GLDN: variants seen among roughly 807,000 people sequenced by gnomAD.
GLDN encodes collomin.
Under a neutral mutation model 56.5 loss-of-function variants are expected in GLDN, and 47 were observed. The observed-to-expected ratio is 0.83, with a 90% CI of 0.66 to 1.06. The LOEUF (loss-of-function observed/expected upper bound fraction) is 1.06, where lower values mean the gene tolerates loss of function less well. GLDN is among the 50% of genes least tolerant of loss of function. GLDN has a pLI of 0.00. For missense variants in GLDN, 782 were observed against 714.3 expected (o/e 1.09, Z -1.08); for synonymous variants, 332 against 278.8 (o/e 1.19, Z -1.90).
intron 4 of GLDN, among the ~76,000 whole-genome samples, chr15:51,387,559 G>A (rs1028946345): frequency 4.6e-5 from 7 of 152,176 alleles, no homozygotes; most frequent in Non-Finnish European, 8.8e-5. Context: ...CCAGCTCCCA[G>A]GATGGCACTG....
In GLDN at chr15:51,404,520, C is replaced by A. The variant is rs760906296; in HGVS notation, c.1422C>A (p.Asn474Lys). The change falls in exon 10 of 10, where the codon AAC becomes AAA. Residue 474 changes from asparagine to lysine, a missense_variant. Coordinates refer to ENST00000335449, the MANE Select transcript of GLDN (RefSeq NM_181789.4). ...CGTACCCTAAATCCAAGGCTGGCAA[C>A]GCCTTCATTGCCCGAGGAATCCTCT... ...NTTYPKSKAG[N>K]AFIARGILYV... 1 of 1,613,990 alleles carries A rather than the reference C, an allele frequency of 6.2e-7. No homozygotes were observed. The highest frequency in any genetic ancestry group is 1.1e-5 in the South Asian group (1 of 91,070).
chr15:51,355,932 G>A (rs997223417), intron 1 of GLDN, among the ~76,000 whole-genome samples: 1 of 150,812 alleles, frequency 6.6e-6, no homozygotes, highest in African/African-American at 2.4e-5. Flanking sequence ...CCTCAGCCGG[G>A]TGTGGTGGCT....
intron 4 of GLDN, among the ~76,000 whole-genome samples, chr15:51,387,072 C>G (rs921239786): frequency 6.6e-6 from 1 of 151,960 alleles, no homozygotes; most frequent in Non-Finnish European, 1.5e-5. Flanking sequence ...GGTGAAGTCA[C>G]TTAGGGAGAG....
chr15:51,392,558 A>G (rs1176396847), intron 4 of GLDN, among the ~76,000 whole-genome samples: 2 of 152,222 alleles, frequency 1.3e-5, no homozygotes, highest in Non-Finnish European at 2.9e-5. Flanking sequence ...AATAAATGCA[A>G]TGCATTTGAA....
At chr15:51,357,139 C>G (rs745617073) in intron 1 of GLDN, among the ~76,000 whole-genome samples, 13 of 152,132 alleles carry the variant, frequency 8.5e-5, no homozygotes, top group Non-Finnish European at 1.8e-4. Context: ...GTTGGGCAAC[C>G]CTTCCAGGTC....
chr15:51,348,526 A>T (rs929356544), intron 1 of GLDN, among the ~76,000 whole-genome samples: 1 of 151,776 alleles, frequency 6.6e-6, no homozygotes, highest in Non-Finnish European at 1.5e-5. Flanking sequence ...TTTAGTAGAA[A>T]TCTCACTATC....
At chr15:51,379,067 C>T (rs1020348986) in intron 2 of GLDN, among the ~76,000 whole-genome samples, 7 of 152,256 alleles carry the variant, frequency 4.6e-5, no homozygotes, top group Non-Finnish European at 1.0e-4. Context: ...AACCTGGCTC[C>T]CATTCCTCTT....
At chr15:51,362,441 T>C (rs1411134947) in intron 1 of GLDN, among the ~76,000 whole-genome samples, 3 of 147,740 alleles carry the variant, frequency 2.0e-5, no homozygotes, top group African/African-American at 7.5e-5. Context: ...GCTGAGATTG[T>C]GCCACTGCAC....
rs760359885 is a variant in GLDN at position 51,405,043 on chromosome 15, G to C, written c.*289G>C. 3.8e-6 allele frequency: 1 copy of C among 260,734 alleles called. No individual in the cohort carries two copies. Among genetic ancestry groups the C allele is most frequent in the Non-Finnish European group, 7.3e-6 (1 of 137,224 alleles). The allele number at this position is 260,734 out of a possible 1,614,324, so 16.2% of individuals were successfully genotyped here. On this transcript the variant is annotated 3_prime_UTR_variant, in exon 10 of 10. Coordinates refer to ENST00000335449, the MANE Select transcript of GLDN (RefSeq NM_181789.4). ...GCTAAGATGATTGGGGAGATTTTCT[G>C]TACCTGTAGGTAATTTGGTGATTCT...
At chr15:51,364,666 G>A (rs916314625) in intron 1 of GLDN, among the ~76,000 whole-genome samples, 5 of 152,106 alleles carry the variant, frequency 3.3e-5, no homozygotes, top group Non-Finnish European at 4.4e-5. Context: ...TTGAACATAC[G>A]AAAATGGTTA....
chr15:51,402,421 G>A lies in GLDN; in HGVS notation c.1178+678G>A, dbSNP rs74664347. Among the ~76,000 whole-genome samples, 857 of 152,334 alleles carry A rather than the reference G, an allele frequency of 5.6e-3. 6 individuals carry two copies. Among genetic ancestry groups the A allele is most frequent in the Admixed American group, 0.01 (159 of 15,306 alleles). On this transcript the variant is annotated intron_variant, in intron 9 of 9. Transcript: ENST00000335449. ...GGGCAAATCAAGAGAGCAATGAACC[G>A]AAAGCCAGGACACCTGGTTTCTGGC...
At chr15:51,392,736 C>A (rs534189891) in intron 4 of GLDN, among the ~76,000 whole-genome samples, 1 of 152,272 alleles carries the variant, frequency 6.6e-6, no homozygotes, top group South Asian at 2.1e-4. Context: ...GTTAATTGAT[C>A]CATATCTGGC....
At chr15:51,347,064 C>CA (rs1011153977) in intron 1 of GLDN, among the ~76,000 whole-genome samples, 21 of 151,286 alleles carry the variant, frequency 1.4e-4, no homozygotes, top group Non-Finnish European at 2.1e-4. Context: ...GACTCCATCT[C>CA]AAAAAAAACA....
At chr15:51,355,775 G>A (rs1289570022) in intron 1 of GLDN, among the ~76,000 whole-genome samples, 8 of 149,266 alleles carry the variant, frequency 5.4e-5, no homozygotes, top group Admixed American at 2.7e-4. Context: ...TGCCCACCTT[G>A]GCCTCCCAAA....
chr15:51,363,706 C>T (rs945419311), intron 1 of GLDN, among the ~76,000 whole-genome samples: 2 of 152,182 alleles, frequency 1.3e-5, no homozygotes, highest in African/African-American at 2.4e-5. Context: ...GGAAGCGTTT[C>T]GAGAAGGAGG....
In GLDN at chr15:51,383,790, C is replaced by T. The variant is rs1282752951; in HGVS notation, c.439C>T (p.Pro147Ser). ...LTGPSGPPGP[P>S]GAGGLPGHNG... is the part of the protein sequence containing the mutation. ...GTTTCTGTGTTTTGATGCAGGACCT[C>T]CGGGAGCCGGCGGGTTGCCAGGACA... Residue 147 changes from proline (P) to serine (S), a missense_variant, in exon 4 of 10, where the codon CCG becomes TCG. By Grantham distance (74) the Pro-to-Ser change is moderately conservative (BLOSUM62 -1). Transcript: ENST00000335449. 6.2e-7 allele frequency: 1 copy of T among 1,606,488 alleles called. No individual in the cohort carries two copies. The highest frequency in any genetic ancestry group is 2.2e-5 in the East Asian group (1 of 44,762).
chr15:51,403,414 A>G (rs1180687325), intron 9 of GLDN, among the ~76,000 whole-genome samples: 1 of 152,238 alleles, frequency 6.6e-6, no homozygotes, highest in Non-Finnish European at 1.5e-5. Context: ...GCTCAAATGC[A>G]TATCCACAGA....
At chr15:51,353,967 G>C (rs984232801) in intron 1 of GLDN, among the ~76,000 whole-genome samples, 2 of 152,144 alleles carry the variant, frequency 1.3e-5, no homozygotes, top group African/African-American at 4.8e-5. Flanking sequence ...CAGCCCATCC[G>C]TTGCTTTTAT....
intron 3 of GLDN, 121 bp downstream of exon 3, chr15:51,383,574 CCTT>C (rs2037816778): frequency 4.9e-6 from 6 of 1,227,320 alleles, no homozygotes; most frequent in Non-Finnish European, 2.4e-6. Context: ...CTGTGTGTCT[CCTT>C]CTTTGTGCCC....
Sources: allele counts gnomAD v4.1 joint callset (sites outside exome capture counted in the v4.1 genomes callset), GRCh38; gene constraint gnomAD v4.1.1; transcripts MANE v1.5; gene names NCBI Gene and HGNC (gene_info 2026-07-23, HGNC 2026-07-21).